CTNNA2: variants seen among roughly 807,000 people sequenced by gnomAD.
The protein encoded by CTNNA2 is catenin alpha 2.
In CTNNA2, 42 loss-of-function variants were observed where a neutral mutation model predicts 101.0. The observed-to-expected ratio is 0.42, with a 90% confidence interval of 0.32 to 0.54. The LOEUF is 0.54. Among genes scored for constraint, CTNNA2 ranks in the 20% least tolerant of loss-of-function variants. CTNNA2 has a pLI of 0.14. For missense variants in CTNNA2, 871 were observed against 1,223.1 expected, an observed-to-expected ratio of 0.71 and a Z score of 4.29; for synonymous variants, 450 against 456.4, an observed-to-expected ratio of 0.99 and a Z score of 0.18.
intron 1 of CTNNA2, among the ~76,000 whole-genome samples, chr2:79,560,319 A>G (rs1364190520): frequency 6.6e-6 from 1 of 151,974 alleles, no homozygotes; most frequent in African/African-American, 2.4e-5. Context: ...TTCAGAGACC[A>G]GGAGAGATTG....
intron 7 of CTNNA2, among the ~76,000 whole-genome samples, chr2:80,065,630 G>A (rs958473502): frequency 1.3e-5 from 2 of 152,084 alleles, no homozygotes; most frequent in Non-Finnish European, 2.9e-5. Context: ...GGGATTACAA[G>A]CATGAGCCAC....
chr2:79,935,698 G>C (rs1311078231), intron 7 of CTNNA2, among the ~76,000 whole-genome samples: 1 of 152,212 alleles, frequency 6.6e-6, no homozygotes, highest in Non-Finnish European at 1.5e-5. Context: ...AACTGGGGTG[G>C]AGAAATGACT....
At chr2:80,527,406 T>A (rs1690137743) in intron 9 of CTNNA2, among the ~76,000 whole-genome samples, 1 of 152,202 alleles carries the variant, frequency 6.6e-6, no homozygotes, top group Non-Finnish European at 1.5e-5. Flanking sequence ...CCCACCCCCA[T>A]AGTTTCTGAT....
At chr2:79,468,245 C>A (rs1670960426) in intron 4 of CTNNA2, among the ~76,000 whole-genome samples, 1 of 152,044 alleles carries the variant, frequency 6.6e-6, no homozygotes, top group Non-Finnish European at 1.5e-5. Flanking sequence ...TCTGATAAAA[C>A]AGACTTTAAA....
At chr2:79,441,165 T>C (rs1284381872) in intron 4 of CTNNA2, among the ~76,000 whole-genome samples, 2 of 152,170 alleles carry the variant, frequency 1.3e-5, no homozygotes, top group East Asian at 1.9e-4. Flanking sequence ...CTAATTTAAA[T>C]ACAAGTATTA....
chr2:79,801,214 C>T (rs980072059), intron 3 of CTNNA2, among the ~76,000 whole-genome samples: 8 of 152,176 alleles, frequency 5.3e-5, no homozygotes, highest in Non-Finnish European at 1.5e-5. Flanking sequence ...TCATTGTCTT[C>T]AGCCACTGTG....
intron 8 of CTNNA2, among the ~76,000 whole-genome samples, chr2:80,396,601 T>A (rs753316008): frequency 6.6e-6 from 1 of 152,234 alleles, no homozygotes; most frequent in Non-Finnish European, 1.5e-5. Flanking sequence ...CTGTGCCACC[T>A]ATGAACTATT....
At chr2:79,901,368 A>G (rs991447125) in intron 6 of CTNNA2, among the ~76,000 whole-genome samples, 1 of 151,964 alleles carries the variant, frequency 6.6e-6, no homozygotes, top group Non-Finnish European at 1.5e-5. Flanking sequence ...GCAATTTACT[A>G]TTTTCCTTAC....
intron 7 of CTNNA2, among the ~76,000 whole-genome samples, chr2:80,085,723 T>A (rs1699401111): frequency 6.6e-6 from 1 of 151,934 alleles, no homozygotes; most frequent in Non-Finnish European, 1.5e-5. Context: ...TATTGATGAG[T>A]TATGTTGGAG....
chr2:80,380,327 C>T (rs994701153), intron 7 of CTNNA2, among the ~76,000 whole-genome samples: 4 of 152,062 alleles, frequency 2.6e-5, no homozygotes, highest in African/African-American at 4.8e-5. Flanking sequence ...TGAGCCACCG[C>T]ACCTGGCCAG....
At chr2:79,284,927 A>G (rs1333249087) in intron 2 of CTNNA2, among the ~76,000 whole-genome samples, 37 of 128,494 alleles carry the variant, frequency 2.9e-4, no homozygotes, top group African/African-American at 1.1e-3. Context: ...GATTATTGCC[A>G]CAATTTCAGA....
chr2:79,438,666 C>T (rs1344508986), intron 4 of CTNNA2, among the ~76,000 whole-genome samples: 2 of 152,158 alleles, frequency 1.3e-5, no homozygotes, highest in South Asian at 2.1e-4. Context: ...TCCCAGTTGA[C>T]AGCCACTGTC....
intron 1 of CTNNA2, among the ~76,000 whole-genome samples, chr2:79,612,647 T>A (rs1365560782): frequency 6.6e-6 from 1 of 152,170 alleles, no homozygotes; most frequent in African/African-American, 2.4e-5. Flanking sequence ...GAGCTCTGTT[T>A]CTAATGACTT....
chr2:79,552,617 A>C (rs955326411), intron 1 of CTNNA2, among the ~76,000 whole-genome samples: 7 of 152,060 alleles, frequency 4.6e-5, no homozygotes, highest in Non-Finnish European at 1.0e-4. Flanking sequence ...GGGCATTTCC[A>C]TTCATCCTCT....
chr2:80,062,390 C>T (rs550923083), intron 7 of CTNNA2, among the ~76,000 whole-genome samples: 1 of 152,202 alleles, frequency 6.6e-6, no homozygotes, highest in African/African-American at 2.4e-5. Flanking sequence ...CCACTTTAGC[C>T]ATTTTAAAAT....
At chr2:80,315,857 C>CT (rs1278411062) in intron 7 of CTNNA2, among the ~76,000 whole-genome samples, 4 of 152,180 alleles carry the variant, frequency 2.6e-5, no homozygotes, top group African/African-American at 4.8e-5. Context: ...CCATGTGACT[C>CT]TAACAGTATC....
intron 2 of CTNNA2, among the ~76,000 whole-genome samples, chr2:79,275,223 A>G (rs148728646): frequency 1.1e-3 from 163 of 152,202 alleles, no homozygotes; most frequent in African/African-American, 3.8e-3. Flanking sequence ...GACAGCATAT[A>G]GGCTGTGCCC....
chr2:79,974,294 G>A (rs546575486), intron 7 of CTNNA2, among the ~76,000 whole-genome samples: 10 of 152,218 alleles, frequency 6.6e-5, no homozygotes, highest in East Asian at 3.9e-4. Context: ...AATGCCCGTC[G>A]TGAAGGAGAC....
intron 7 of CTNNA2, among the ~76,000 whole-genome samples, chr2:80,358,823 C>T (rs886276910): frequency 1.1e-4 from 17 of 151,920 alleles, no homozygotes; most frequent in African/African-American, 4.1e-4. Context: ...TAAAATAAAA[C>T]TCTCACATCA....
Sources: allele counts gnomAD v4.1 joint callset (sites outside exome capture counted in the v4.1 genomes callset), GRCh38; gene constraint gnomAD v4.1.1; transcripts MANE v1.5; gene names NCBI Gene and HGNC (gene_info 2026-07-23, HGNC 2026-07-21).